Variants in ULK4 observed in about 807,000 individuals in gnomAD.
The protein encoded by ULK4 is inactive serine/threonine-protein kinase ULK4.
In ULK4, 133 loss-of-function variants were observed where a neutral mutation model predicts 160.6. The ratio of observed to expected loss-of-function variants is 0.83; its 90% confidence interval spans 0.72 to 0.96. The LOEUF is 0.96. Ranked by LOEUF, ULK4 falls within the 40% of genes least tolerant of loss-of-function variation. The pLI is 0.00. For synonymous variants in ULK4, 534 were observed against 539.8 expected, an observed-to-expected ratio of 0.99 and a Z score of 0.15; for missense variants, 1,580 against 1,499.5, an observed-to-expected ratio of 1.05 and a Z score of -0.89.
intron 17 of ULK4, among the ~76,000 whole-genome samples, chr3:41,857,813 C>G (rs2042396607): frequency 6.6e-6 from 1 of 152,036 alleles, no homozygotes; most frequent in South Asian, 2.1e-4. Flanking sequence ...TGTAATGTGT[C>G]CTTTTTCATT....
intron 21 of ULK4, among the ~76,000 whole-genome samples, chr3:41,768,882 TG>T (rs2039257422): frequency 6.6e-6 from 1 of 152,206 alleles, no homozygotes; most frequent in South Asian, 2.1e-4. Context: ...CAGTGAGGTA[TG>T]TTACTGTATT....
At chr3:41,365,836 T>C (rs1378668743) in intron 35 of ULK4, among the ~76,000 whole-genome samples, 1 of 152,012 alleles carries the variant, frequency 6.6e-6, no homozygotes, top group Non-Finnish European at 1.5e-5. Flanking sequence ...CATAAGGCCA[T>C]ATCAAATAAA....
intron 31 of ULK4, among the ~76,000 whole-genome samples, chr3:41,578,938 G>A (rs532740752): frequency 6.6e-5 from 10 of 152,216 alleles, no homozygotes; most frequent in South Asian, 4.2e-4. Flanking sequence ...TTTCCCTAAG[G>A]GCCTTGAGAA....
At chr3:41,669,121 C>T (rs1226812687) in intron 29 of ULK4, among the ~76,000 whole-genome samples, 1 of 152,080 alleles carries the variant, frequency 6.6e-6, no homozygotes, top group Non-Finnish European at 1.5e-5. Context: ...TGGAGGAATG[C>T]AAATTAGAGC....
intron 32 of ULK4, among the ~76,000 whole-genome samples, chr3:41,523,195 C>T (rs780598454): frequency 1.6e-4 from 25 of 152,188 alleles, no homozygotes; most frequent in Non-Finnish European, 2.6e-4. Flanking sequence ...AGGCATGAGC[C>T]ACTGTGCCCA....
intron 29 of ULK4, among the ~76,000 whole-genome samples, chr3:41,674,097 A>G (rs1235940961): frequency 6.6e-6 from 1 of 152,202 alleles, no homozygotes; most frequent in Non-Finnish European, 1.5e-5. Context: ...CAATCACACG[A>G]TACAGTACTA....
At chr3:41,641,384 G>T (rs1237825796) in intron 30 of ULK4, among the ~76,000 whole-genome samples, 2 of 152,154 alleles carry the variant, frequency 1.3e-5, no homozygotes, top group African/African-American at 2.4e-5. Flanking sequence ...GAATCAAGTG[G>T]AATAGTTTGC....
At chr3:41,429,204 C>T (rs766106140) in intron 34 of ULK4, among the ~76,000 whole-genome samples, 1 of 152,108 alleles carries the variant, frequency 6.6e-6, no homozygotes, top group Non-Finnish European at 1.5e-5. Context: ...AGTGACTTAC[C>T]ATCTCATGCC....
At chr3:41,674,592 T>G (rs13079147) in intron 29 of ULK4, among the ~76,000 whole-genome samples, 6,187 of 152,202 alleles carry the variant, frequency 0.041, 186 homozygotes, top group Non-Finnish European at 0.065. Flanking sequence ...AAGGAGGAAG[T>G]GAATGCATAC....
At position 41,498,381 on chromosome 3, in the gene ULK4, A is replaced by C. The variant is rs78264389; in HGVS notation, c.3227-35128T>G. Among the ~76,000 whole-genome samples, 6 of 152,296 alleles carry C rather than the reference A, an allele frequency of 3.9e-5. No individual in the cohort carries two copies. The East Asian group carries it at 1.2e-3, about 29-fold the overall frequency. ...TGATAATGAAAACACAATGGAGCTT[A>C]AAAAGAGTTGGGTAGCTTAAATACT... On this transcript the variant is annotated intron_variant, in intron 32 of 36. Transcript: ENST00000301831.
At chr3:41,383,892 T>C (rs565001611) in intron 35 of ULK4, among the ~76,000 whole-genome samples, 4 of 152,322 alleles carry the variant, frequency 2.6e-5, no homozygotes, top group Admixed American at 2.0e-4. Flanking sequence ...GAATAGTAGA[T>C]TGGTCCTTTC....
chr3:41,467,503 G>A (rs1166003072), intron 32 of ULK4, among the ~76,000 whole-genome samples: 2 of 152,112 alleles, frequency 1.3e-5, no homozygotes, highest in Non-Finnish European at 2.9e-5. Context: ...CTCCTGCCTG[G>A]GTGATAGAGC....
intron 35 of ULK4, among the ~76,000 whole-genome samples, chr3:41,380,882 T>G (rs143899020): frequency 0.014 from 2,129 of 152,264 alleles, 18 homozygotes; most frequent in Non-Finnish European, 0.018. Flanking sequence ...CACTTTGCTG[T>G]AACTGAAACT....
chr3:41,595,695 T>C (rs1276853332), intron 31 of ULK4, among the ~76,000 whole-genome samples: 3 of 152,120 alleles, frequency 2.0e-5, no homozygotes, highest in Non-Finnish European at 4.4e-5. Context: ...GTGGTCATTT[T>C]ATTAAGAACT....
intron 19 of ULK4, among the ~76,000 whole-genome samples, chr3:41,807,272 G>A (rs993019675): frequency 6.6e-6 from 1 of 152,004 alleles, no homozygotes; most frequent in Non-Finnish European, 1.5e-5. Context: ...TAAAGGAAGG[G>A]CAAAGAAAGA....
rs2042579064 is a variant in ULK4 at position 41,864,742 on chromosome 3, ATC to A, written c.1656+19130_1656+19131del. The stretch of plus-strand genomic sequence containing the variant: ...GATAAATCATCCAACACTAAATCTT[ATC>A]CACTTCATTTACATTTATTCATCTT... On this transcript the variant is annotated intron_variant, in intron 17 of 36. Transcript: ENST00000301831. Among the ~76,000 whole-genome samples, 3 of 152,092 alleles carry A rather than the reference ATC, an allele frequency of 2.0e-5. No individual in the cohort carries two copies. In the South Asian group the frequency reaches 6.2e-4, roughly 32 times the overall value.
At chr3:41,588,558 G>T (rs2031007487) in intron 31 of ULK4, among the ~76,000 whole-genome samples, 1 of 152,176 alleles carries the variant, frequency 6.6e-6, no homozygotes, top group African/African-American at 2.4e-5. Flanking sequence ...CTGTCTGCTA[G>T]CCATTCTAGC....
At chr3:41,372,100 G>T (rs1247753537) in intron 35 of ULK4, among the ~76,000 whole-genome samples, 1 of 151,878 alleles carries the variant, frequency 6.6e-6, no homozygotes, top group African/African-American at 2.4e-5. Context: ...AGAGAAAAAA[G>T]AATGAAAAGG....
intron 34 of ULK4, among the ~76,000 whole-genome samples, chr3:41,436,990 C>T (rs1349114406): frequency 2.0e-5 from 3 of 152,102 alleles, no homozygotes; most frequent in African/African-American, 7.2e-5. Flanking sequence ...AGCAACATAC[C>T]TACATTCAAG....
Sources: gnomAD v4.1 joint callset for allele counts (sites outside exome capture counted in the v4.1 genomes callset) on GRCh38, gnomAD v4.1.1 for gene constraint, MANE v1.5 for transcripts, NCBI Gene and HGNC (gene_info 2026-07-23, HGNC 2026-07-21) for gene names.